KDM2A: variants seen among roughly 807,000 people sequenced by gnomAD.
KDM2A encodes the protein lysine demethylase 2A.
KDM2A carries 3 observed loss-of-function variants against 137.3 expected under a neutral mutation model. That is an observed-to-expected ratio of 0.02 (90% CI 0.01 to 0.06). The LOEUF (loss-of-function observed/expected upper bound fraction) is 0.06. Ranked by LOEUF, KDM2A falls within the 10% of genes least tolerant of loss-of-function variation. The probability of loss-of-function intolerance (pLI) is 1.00; values close to 1 mark genes in which losing one functional copy is unlikely to be tolerated. For synonymous variants in KDM2A, 512 were observed against 541.5 expected, an observed-to-expected ratio of 0.95 and a Z score of 0.76; for missense variants, 738 against 1,510.6, an observed-to-expected ratio of 0.49 and a Z score of 8.48.
chr11:67,150,744 A>T (rs1796501744), intron 2 of KDM2A, among the ~76,000 whole-genome samples: 1 of 152,010 alleles, frequency 6.6e-6, no homozygotes, highest in Non-Finnish European at 1.5e-5. Context: ...AAGGTGAAAG[A>T]TCACTTGAGT....
intron 2 of KDM2A, among the ~76,000 whole-genome samples, chr11:67,171,603 A>G (rs1388515920): frequency 2.6e-5 from 4 of 152,204 alleles, no homozygotes; most frequent in South Asian, 2.1e-4. Context: ...TTTTTCTGCT[A>G]TTACCCAAAA....
At chr11:67,240,024 G>C in intron 12 of KDM2A, 2 of 1,289,092 alleles carry the variant, frequency 1.6e-6, no homozygotes, top group Non-Finnish European at 9.8e-7. Context: ...ACTCTCGCTC[G>C]GCTCCCCCTC....
At chr11:67,186,309 C>T (rs1298656697) in intron 5 of KDM2A, among the ~76,000 whole-genome samples, 2 of 152,112 alleles carry the variant, frequency 1.3e-5, no homozygotes, top group Non-Finnish European at 2.9e-5. Context: ...ACGAATTTCT[C>T]ATCAGAAACT....
At chr11:67,187,542 AATTG>A (rs1372363005) in intron 5 of KDM2A, among the ~76,000 whole-genome samples, 1 of 146,646 alleles carries the variant, frequency 6.8e-6, no homozygotes, top group Admixed American at 6.7e-5. Context: ...TAATTTATTT[AATTG>A]ATTTTATTTA....
In KDM2A at chr11:67,166,915, A is replaced by G. The variant is rs1186644890; in HGVS notation, c.43-13164A>G. 2.6e-5 allele frequency among the ~76,000 whole-genome samples: 4 copies of G among 151,966 alleles called. No individual in the cohort carries two copies. The East Asian group carries it at 7.8e-4, about 30-fold the overall frequency. On this transcript the variant is annotated intron_variant, in intron 2 of 20. Coordinates refer to ENST00000529006, the MANE Select transcript of KDM2A (RefSeq NM_012308.3). ...AACGTGGCGAGACCTCGTCTCTACT[A>G]AAAATACAACAAATTAGCCAGGCGT...
intron 12 of KDM2A, among the ~76,000 whole-genome samples, chr11:67,232,857 G>A (rs1433211833): frequency 6.6e-6 from 1 of 151,960 alleles, no homozygotes; most frequent in Non-Finnish European, 1.5e-5. Flanking sequence ...ACAGACACGT[G>A]CCACCATGCC....
intron 6 of KDM2A, among the ~76,000 whole-genome samples, chr11:67,210,180 CA>C (rs1436241640): frequency 3.3e-5 from 5 of 151,806 alleles, no homozygotes; most frequent in Non-Finnish European, 5.9e-5. Flanking sequence ...CCAGCCTGGG[CA>C]ACATGGTGAA....
intron 5 of KDM2A, among the ~76,000 whole-genome samples, chr11:67,203,490 ATATATTTT>A (rs1270396543): frequency 6.8e-6 from 1 of 147,510 alleles, no homozygotes; most frequent in East Asian, 1.9e-4. Flanking sequence ...ATATATATTA[ATATATTTT>A]TATATAATAT....
intron 2 of KDM2A, among the ~76,000 whole-genome samples, chr11:67,171,314 G>A (rs1165697806): frequency 6.6e-6 from 1 of 152,164 alleles, no homozygotes; most frequent in East Asian, 1.9e-4. Flanking sequence ...AAATTAGATA[G>A]TCTTTGAATG....
intron 5 of KDM2A, among the ~76,000 whole-genome samples, chr11:67,194,526 G>A (rs1447490726): frequency 1.3e-5 from 2 of 152,156 alleles, no homozygotes; most frequent in African/African-American, 2.4e-5. Context: ...GCATTATTGA[G>A]TAAATCATGT....
intron 12 of KDM2A, 48 bp downstream of exon 12, chr11:67,232,008 G>A (rs1382420476): frequency 1.3e-6 from 2 of 1,527,302 alleles, no homozygotes; most frequent in Non-Finnish European, 8.8e-7. Context: ...AGCTATGGCA[G>A]TCAGCTTCCA....
intron 5 of KDM2A, among the ~76,000 whole-genome samples, chr11:67,194,546 G>T (rs1032593975): frequency 6.6e-6 from 1 of 152,130 alleles, no homozygotes. Context: ...TAAATACTGC[G>T]AGAAGGTAAA....
chr11:67,151,819 AC>A (rs1856397099), intron 2 of KDM2A, among the ~76,000 whole-genome samples: 1 of 152,048 alleles, frequency 6.6e-6, no homozygotes, highest in South Asian at 2.1e-4. Context: ...TATCTAGCTT[AC>A]TATAGCCTTG....
At chr11:67,133,683 G>A (rs11227701) in intron 2 of KDM2A, among the ~76,000 whole-genome samples, 2 of 151,674 alleles carry the variant, frequency 1.3e-5, no homozygotes, top group African/African-American at 2.4e-5. Context: ...GATTACAGGC[G>A]TGAGCCACCG....
chr11:67,193,630 G>A (rs1004793141), intron 5 of KDM2A, among the ~76,000 whole-genome samples: 3 of 152,102 alleles, frequency 2.0e-5, no homozygotes, highest in African/African-American at 7.2e-5. Context: ...GGAGGCTGAG[G>A]CAGACAGATC....
rs1023958826 is a variant in KDM2A at position 67,207,870 on chromosome 11, C to CA, written c.486+193dup. Among the ~76,000 whole-genome samples the CA allele has an allele frequency of 1.9e-4, 28 of 144,348 alleles. No homozygotes were observed. The East Asian group carries it at 2.2e-3, about 11-fold the overall frequency. 94.7% of individuals were successfully genotyped at this position (144,348 alleles called of 152,430 possible). On this transcript the variant is annotated intron_variant, in intron 6 of 20. Transcript: ENST00000529006. ...TGAAACCACATCTCTACAAAAAGTA[C>CA]AAAAAAAAAAATTAGCTGGGTGTGA...
intron 2 of KDM2A, among the ~76,000 whole-genome samples, chr11:67,158,634 A>G (rs896644189): frequency 1.3e-5 from 2 of 152,128 alleles, no homozygotes; most frequent in African/African-American, 4.8e-5. Context: ...CAACTCCCTA[A>G]TGATGTACAA....
chr11:67,143,821 CAG>C (rs1856179766), intron 2 of KDM2A, among the ~76,000 whole-genome samples: 2 of 151,656 alleles, frequency 1.3e-5, no homozygotes, highest in African/African-American at 2.4e-5. Context: ...TTAGTACAGA[CAG>C]GGTTTTCTCA....
At chr11:67,156,843 C>T (rs1027236775) in intron 2 of KDM2A, among the ~76,000 whole-genome samples, 11 of 151,262 alleles carry the variant, frequency 7.3e-5, no homozygotes, top group African/African-American at 2.4e-4. Context: ...GAGCCGAGAT[C>T]GCGCCACTGC....
Sources: allele counts gnomAD v4.1 joint callset (sites outside exome capture counted in the v4.1 genomes callset), GRCh38; gene constraint gnomAD v4.1.1; transcripts MANE v1.5; gene names NCBI Gene and HGNC (gene_info 2026-07-23, HGNC 2026-07-21).